The following MACROD2 variants were observed in gnomAD, a reference collection of about 807,000 sequenced individuals.
The protein encoded by MACROD2 is mono-ADP ribosylhydrolase 2.
Under a neutral mutation model 70.4 loss-of-function variants are expected in MACROD2, and 36 were observed. The ratio of observed to expected loss-of-function variants is 0.51; its 90% CI spans 0.39 to 0.68. The LOEUF is 0.68. Ranked by LOEUF, MACROD2 falls within the 30% of genes least tolerant of loss-of-function variation. The probability of loss-of-function intolerance (pLI) is 0.00; values close to 1 mark genes in which losing one functional copy is unlikely to be tolerated. For synonymous variants in MACROD2, 172 were observed against 178.8 expected (o/e 0.96, Z 0.30); for missense variants, 496 against 538.4 (o/e 0.92, Z 0.78).
At chr20:15,889,074 A>T (rs1023069559) in intron 10 of MACROD2, among the ~76,000 whole-genome samples, 1 of 152,194 alleles carries the variant, frequency 6.6e-6, no homozygotes, top group African/African-American at 2.4e-5. Context: ...AGTAAATAAC[A>T]ACTTGAATAC....
intron 3 of MACROD2, among the ~76,000 whole-genome samples, chr20:14,200,769 A>G (rs1317535461): frequency 6.6e-6 from 1 of 152,174 alleles, no homozygotes; most frequent in Admixed American, 6.5e-5. Context: ...CTAATGTGAC[A>G]GCTAAACATG....
chr20:14,761,696 T>A (rs1036518364), intron 5 of MACROD2, among the ~76,000 whole-genome samples: 1 of 152,074 alleles, frequency 6.6e-6, no homozygotes, highest in African/African-American at 2.4e-5. Context: ...ACTGCTTTTT[T>A]AAGGCCACCA....
intron 5 of MACROD2, among the ~76,000 whole-genome samples, chr20:14,766,129 A>C (rs2072085149): frequency 7.9e-6 from 1 of 126,624 alleles, no homozygotes; most frequent in African/African-American, 2.6e-5. Flanking sequence ...TTTTATATTT[A>C]AAATGGTGTG....
chr20:14,006,620 T>C (rs571445818), intron 2 of MACROD2, among the ~76,000 whole-genome samples: 4 of 152,234 alleles, frequency 2.6e-5, no homozygotes, highest in African/African-American at 4.8e-5. Context: ...TCTTTTACAA[T>C]TGATTTGCTT....
chr20:14,278,579 CAT>C (rs1601428782), intron 3 of MACROD2, among the ~76,000 whole-genome samples: 1 of 152,258 alleles, frequency 6.6e-6, no homozygotes, highest in East Asian at 1.9e-4. Context: ...TGTGCGAAAA[CAT>C]GTGGTTGGTA....
At chr20:15,722,498 C>A (rs1490365534) in intron 8 of MACROD2, among the ~76,000 whole-genome samples, 1 of 152,168 alleles carries the variant, frequency 6.6e-6, no homozygotes. Flanking sequence ...CTAGATAGCA[C>A]TATATTAATC....
At chr20:15,507,703 C>T (rs2047446250) in intron 8 of MACROD2, among the ~76,000 whole-genome samples, 1 of 152,132 alleles carries the variant, frequency 6.6e-6, no homozygotes, top group Non-Finnish European at 1.5e-5. Context: ...TCACCATACA[C>T]TGCCACACAA....
chr20:14,695,750 A>G (rs540206884), intron 5 of MACROD2, among the ~76,000 whole-genome samples: 4 of 152,190 alleles, frequency 2.6e-5, no homozygotes, highest in Non-Finnish European at 5.9e-5. Context: ...CTCCTGCCCA[A>G]TCAAGCTTTC....
chr20:14,844,495 T>TGACA (rs1015243883), intron 5 of MACROD2, among the ~76,000 whole-genome samples: 2 of 151,872 alleles, frequency 1.3e-5, no homozygotes, highest in Non-Finnish European at 1.5e-5. Flanking sequence ...CCAGCCTTGG[T>TGACA]GACAGAGCAA....
intron 10 of MACROD2, among the ~76,000 whole-genome samples, chr20:15,898,287 T>C (rs175784): frequency 0.96 from 145,591 of 152,178 alleles, 69,850 homozygotes; most frequent in East Asian, 1. Context: ...TGGAAGCTCA[T>C]GCCTATAATC....
At chr20:15,398,988 T>G (rs2045895661) in intron 6 of MACROD2, among the ~76,000 whole-genome samples, 1 of 152,136 alleles carries the variant, frequency 6.6e-6, no homozygotes, top group Non-Finnish European at 1.5e-5. Context: ...CAGCTTCATA[T>G]TGTTGCTTCT....
chr20:15,892,098 A>G (rs1046064579), intron 10 of MACROD2, among the ~76,000 whole-genome samples: 1 of 152,162 alleles, frequency 6.6e-6, no homozygotes, highest in African/African-American at 2.4e-5. Context: ...TACATGAACC[A>G]GGGAGTTCAT....
At chr20:14,764,973 C>T (rs1363363465) in intron 5 of MACROD2, among the ~76,000 whole-genome samples, 1 of 152,084 alleles carries the variant, frequency 6.6e-6, no homozygotes, top group Admixed American at 6.5e-5. Flanking sequence ...CAAGACGGCA[C>T]TGTGCAAACA....
chr20:14,327,137 G>C (rs189133975), intron 3 of MACROD2: 1 of 1,613,772 alleles, frequency 6.2e-7, no homozygotes, highest in African/African-American at 1.3e-5. Flanking sequence ...ATTTTTGAAA[G>C]TGAATCATAA....
chr20:14,002,669 A>G (rs532252271), intron 2 of MACROD2, among the ~76,000 whole-genome samples: 1 of 152,164 alleles, frequency 6.6e-6, no homozygotes, highest in Non-Finnish European at 1.5e-5. Flanking sequence ...CTATTCTGTA[A>G]CAGTTCTTGG....
intron 5 of MACROD2, among the ~76,000 whole-genome samples, chr20:14,693,482 C>G (rs546998240): frequency 2.5e-4 from 37 of 150,478 alleles, no homozygotes; most frequent in African/African-American, 8.8e-4. Flanking sequence ...TTTTTTTCTC[C>G]CTGTGTTAAG....
intron 4 of MACROD2, among the ~76,000 whole-genome samples, chr20:14,558,028 C>A (rs1979161260): frequency 6.6e-6 from 1 of 151,586 alleles, no homozygotes; most frequent in South Asian, 2.1e-4. Flanking sequence ...GAAAATTGTT[C>A]ATGCTTAAAA....
intron 4 of MACROD2, among the ~76,000 whole-genome samples, chr20:14,668,956 G>T (rs1298424685): frequency 6.6e-6 from 1 of 151,978 alleles, no homozygotes; most frequent in South Asian, 2.1e-4. Flanking sequence ...AAATAATTAG[G>T]TCTTTGCTAA....
intron 4 of MACROD2, among the ~76,000 whole-genome samples, chr20:14,548,574 C>T (rs563665774): frequency 3.7e-5 from 2 of 53,694 alleles, no homozygotes; most frequent in South Asian, 1.3e-3. Context: ...AAAAATTAGC[C>T]GGGCGTAGTG....
Sources: gnomAD v4.1 joint callset for allele counts (sites outside exome capture counted in the v4.1 genomes callset) on GRCh38, gnomAD v4.1.1 for gene constraint, MANE v1.5 for transcripts, NCBI Gene and HGNC (gene_info 2026-07-23, HGNC 2026-07-21) for gene names.